Variants in COL4A3 observed in about 807,000 individuals in gnomAD.
The protein encoded by COL4A3 is collagen alpha-3(IV) chain.
A neutral mutation model predicts 217.4 loss-of-function variants in COL4A3; 135 were observed. The ratio of observed to expected loss-of-function variants is 0.62; its 90% CI spans 0.54 to 0.72. COL4A3 has a LOEUF of 0.72. COL4A3 is among the 30% of genes least tolerant of loss of function. The pLI is 0.00. For synonymous variants in COL4A3, 690 were observed against 736.3 expected (o/e 0.94, Z 1.02); for missense variants, 1,868 against 2,119.9 (o/e 0.88, Z 2.33).
chr2:227,288,502 G>A (rs1450061685), intron 34 of COL4A3, among the ~76,000 whole-genome samples: 1 of 152,182 alleles, frequency 6.6e-6, no homozygotes, highest in Non-Finnish European at 1.5e-5. Context: ...GGCAGAACTG[G>A]ATTCAAATCC....
chr2:227,253,506 T>A lies in COL4A3; in HGVS notation c.688-55T>A, dbSNP rs370357551. The A allele has an allele frequency of 3.9e-5, 59 of 1,499,202 alleles. No homozygotes were observed. Among genetic ancestry groups the A allele is most frequent in the Non-Finnish European group, 5.2e-5 (56 of 1,075,418 alleles). 92.9% of individuals were successfully genotyped at this position (1,499,202 alleles called of 1,614,324 possible). A position where few individuals can be genotyped will look rare whatever the true frequency, so the allele number is the denominator to read the frequency against. On this transcript the variant is annotated intron_variant, in intron 12 of 51. Coordinates refer to ENST00000396578, the MANE Select transcript of COL4A3 (RefSeq NM_000091.5). This position sits in a 1 kb window ranked among gnomAD's most constrained non-coding sequence, Gnocchi z 4.4. ...AGTAGACCTTTCAAACGTAGTAACA[T>A]TGAAATGTTGATGCTGTTGTTTATT...
chr2:227,204,419 C>A (rs2067021678), intron 1 of COL4A3, among the ~76,000 whole-genome samples: 1 of 151,908 alleles, frequency 6.6e-6, no homozygotes, highest in African/African-American at 2.4e-5. Context: ...TCTTTTTAGG[C>A]TTCACACTTA....
intron 27 of COL4A3, 55 bp downstream of exon 27, chr2:227,276,532 A>C (rs969282632): frequency 4.6e-6 from 6 of 1,298,494 alleles, no homozygotes; most frequent in Non-Finnish European, 6.7e-6. Flanking sequence ...CAACACCCTG[A>C]CTCTCTTGGA....
intron 37 of COL4A3, 88 bp downstream of exon 37, chr2:227,290,974 G>A: frequency 6.9e-7 from 1 of 1,443,192 alleles, no homozygotes. Flanking sequence ...GGTGTGGGCA[G>A]AGAAAATTGA....
At chr2:227,186,818 CAG>C (rs2066050751) in intron 1 of COL4A3, among the ~76,000 whole-genome samples, 2 of 152,220 alleles carry the variant, frequency 1.3e-5, no homozygotes, top group South Asian at 4.2e-4. Flanking sequence ...TTATAAATAA[CAG>C]ACATTTATTT....
At chr2:227,188,093 TTAAAA>T (rs1384173369) in intron 1 of COL4A3, among the ~76,000 whole-genome samples, 2 of 150,630 alleles carry the variant, frequency 1.3e-5, no homozygotes, top group Non-Finnish European at 2.9e-5. Flanking sequence ...TTTAAAAAAA[TTAAAA>T]TAAATGTTAG....
Position 227,282,655 on chromosome 2 carries a change from T to A in COL4A3, c.2656+123T>A. 1 of 951,090 alleles carries A rather than the reference T, an allele frequency of 1.1e-6. No individual in the cohort carries two copies. The highest frequency in any genetic ancestry group is 1.7e-5 in the African/African-American group (1 of 60,168). 58.9% of individuals were successfully genotyped at this position (951,090 alleles called of 1,614,324 possible). A position where few individuals can be genotyped will look rare whatever the true frequency, so the allele number is the denominator to read the frequency against. On this transcript the variant is annotated intron_variant, in intron 32 of 51. Coordinates refer to ENST00000396578, the MANE Select transcript of COL4A3 (RefSeq NM_000091.5). This position sits in a 1 kb window ranked among gnomAD's most constrained non-coding sequence, Gnocchi z 4.4. The stretch of plus-strand genomic sequence containing the variant: ...TTTACTTAATATAAGGTTTTCCTTC[T>A]AAATTATTTGTAAGAAACCAGGGGC...
intron 11 of COL4A3, among the ~76,000 whole-genome samples, chr2:227,252,594 AC>A (rs1559868461): frequency 0.02 from 2,967 of 147,740 alleles, 94 homozygotes; most frequent in African/African-American, 0.071. Flanking sequence ...ATGCACACAC[AC>A]ACACACACAC....
At chr2:227,287,528 C>A (rs2072409538) in intron 34 of COL4A3, among the ~76,000 whole-genome samples, 1 of 152,248 alleles carries the variant, frequency 6.6e-6, no homozygotes, top group East Asian at 1.9e-4. Context: ...TCCTAAAACA[C>A]TGAAGTAAAC....
chr2:227,225,709 CTTTT>C (rs71829862), intron 1 of COL4A3, among the ~76,000 whole-genome samples: 7 of 126,228 alleles, frequency 5.5e-5, no homozygotes, highest in South Asian at 2.5e-4. Context: ...CTTTTTCTTT[CTTTT>C]TTTTTTTTTT....
At chr2:227,230,063 A>AG (rs1383361665) in intron 1 of COL4A3, among the ~76,000 whole-genome samples, 3 of 71,668 alleles carry the variant, frequency 4.2e-5, no homozygotes, top group Admixed American at 3.7e-4. Context: ...AAAAAAAAAA[A>AG]AAAGAAATTT....
chr2:227,200,668 T>C (rs193023904), intron 1 of COL4A3, among the ~76,000 whole-genome samples: 85 of 152,350 alleles, frequency 5.6e-4, no homozygotes, highest in African/African-American at 1.9e-3. Context: ...GTTTTGGGTC[T>C]CAATTGCAAA....
intron 1 of COL4A3, among the ~76,000 whole-genome samples, chr2:227,202,746 A>AATAT (rs56134612): frequency 1.8e-4 from 4 of 22,206 alleles, no homozygotes; most frequent in East Asian, 2.1e-3. Context: ...AAAAAAAAAA[A>AATAT]ATATATATAT....
rs2072028135 is a variant in COL4A3 at position 227,282,286 on chromosome 2, A to ACATATATATATATATATATATATG, written c.2489-79_2489-78insCATATATATATATATATATATATG. 1.7e-6 allele frequency: 1 copy of ACATATATATATATATATATATATG among 589,644 alleles called. No homozygotes were observed. Among genetic ancestry groups the ACATATATATATATATATATATATG allele is most frequent in the African/African-American group, 2.1e-5 (1 of 48,024 alleles). The allele number at this position is 589,644 out of a possible 1,614,324, so 36.5% of individuals were successfully genotyped here. A position where few individuals can be genotyped will look rare whatever the true frequency, so the allele number is the denominator to read the frequency against. On this transcript the variant is annotated intron_variant, in intron 31 of 51. Coordinates refer to ENST00000396578, the MANE Select transcript of COL4A3 (RefSeq NM_000091.5). The surrounding 1 kb of genome is among the most constrained non-coding windows in gnomAD (Gnocchi z 4.4). ...GATTCCATCTTAAAAATATATATAT[A>ACATATATATATATATATATATATG]TATATATATATATATTTCTGAAGTT...
chr2:227,271,042 C>T, intron 25 of COL4A3, 90 bp downstream of exon 25: 1 of 1,243,518 alleles, frequency 8.0e-7, no homozygotes. Context: ...TGGTTGGCCG[C>T]TCAGCACAGT....
At position 227,248,349 on chromosome 2, in the gene COL4A3, T is replaced by G. The variant is rs371328070; in HGVS notation, c.469-94T>G. The G allele has an allele frequency of 1.9e-4, 158 of 822,850 alleles. No individual in the cohort carries two copies. In the African/African-American group the frequency reaches 2.5e-3, roughly 13 times the overall value. 51.0% of individuals were successfully genotyped at this position (822,850 alleles called of 1,614,324 possible). On this transcript the variant is annotated intron_variant, in intron 8 of 51. Coordinates refer to ENST00000396578, the MANE Select transcript of COL4A3 (RefSeq NM_000091.5). ...CTGAGTACATAACTTGAAAAGCATT[T>G]TTATCTTTGAAGAAATATAACTTTG...
chr2:227,280,684 C>G, intron 30 of COL4A3, 94 bp downstream of exon 30: 1 of 1,408,766 alleles, frequency 7.1e-7, no homozygotes, highest in Non-Finnish European at 1.0e-6. Context: ...GAAGAATTCT[C>G]CCATCCAATG....
chr2:227,304,427 C>T (rs758871242), intron 46 of COL4A3: 5 of 387,768 alleles, frequency 1.3e-5, no homozygotes, highest in Non-Finnish European at 1.4e-5. Flanking sequence ...TGTCTATCTC[C>T]TCTGACAACT....
At chr2:227,226,660 G>A (rs1474492646) in intron 1 of COL4A3, among the ~76,000 whole-genome samples, 2 of 152,156 alleles carry the variant, frequency 1.3e-5, no homozygotes, top group African/African-American at 2.4e-5. Context: ...AGTAGAGACG[G>A]GGTTTCCCCC....
Sources: gnomAD v4.1 joint callset for allele counts (sites outside exome capture counted in the v4.1 genomes callset) on GRCh38, gnomAD v4.1.1 for gene constraint, Gnocchi (gnomAD v3.1) non-coding constraint, MANE v1.5 for transcripts, NCBI Gene and HGNC (gene_info 2026-07-23, HGNC 2026-07-21) for gene names.